The following INSL3 variants were observed in gnomAD, a reference collection of about 807,000 sequenced individuals.
INSL3 encodes insulin like 3, also known as insulin-like 3.
A neutral mutation model predicts 5.5 loss-of-function variants in INSL3; 6 were observed. That is an observed-to-expected ratio of 1.08 (90% CI 0.59 to 2.14). The LOEUF is 2.14. INSL3 is among the 30% of genes most tolerant of loss of function. The pLI is 0.00. For synonymous variants in INSL3, 86 were observed against 82.1 expected, an observed-to-expected ratio of 1.05 and a Z score of -0.26; for missense variants, 178 against 184.7, an observed-to-expected ratio of 0.96 and a Z score of 0.21.
rs950490932 is a variant in INSL3, at chr19:17,821,331, G to A, written c.176C>T (p.Ala59Val). 6.5e-5 allele frequency: 101 copies of A among 1,547,816 alleles called. No homozygotes were observed. The highest frequency in any genetic ancestry group is 8.6e-5 in the Non-Finnish European group (99 of 1,146,732). Residue 59 changes from alanine (A) to valine (V), a missense_variant, in exon 1 of 2, where the codon GCG (alanine) becomes GTG (valine). By Grantham distance (64) the Ala-to-Val change is moderately conservative. Transcript: ENST00000317306. Reference sequence around the variant, plus strand: ...TCCCCACTCACGGTCGCCTCCGGTCGCAGGCCTCCTGGCTTCGGTGGACCA... The same window carrying A: ...TCCCCACTCACGGTCGCCTCCGGTCACAGGCCTCCTGGCTTCGGTGGACCA... The part of the protein sequence containing the change: ...PRWSTEARRP[A>V]TGGDRELLQW...
At chr19:17,817,818 AGC>A (rs2094190121) in intron 1 of INSL3, among the ~76,000 whole-genome samples, 31 of 148,922 alleles carry the variant, frequency 2.1e-4, no homozygotes, top group African/African-American at 2.5e-4. Flanking sequence ...AAAAAAAAAA[AGC>A]GAGCACTTAT....
rs7256623 is a variant in INSL3, at chr19:17,817,195, T to C, written c.191-136A>G. On this transcript the variant is annotated intron_variant, in intron 1 of 1. Transcript: ENST00000317306. ...ATGCATGCAGATAAAAAGTGAGCAC[T>C]GGCCGGGTGCAGTGGCTTACACCTG... The C allele has an allele frequency of 9.7e-3, 8,772 of 902,050 alleles. 557 individuals carry two copies. In the African/African-American group the frequency reaches 0.13, roughly 13 times the overall value. The allele number at this position is 902,050 out of a possible 1,614,324, so 55.9% of individuals were successfully genotyped here.
chr19:17,820,828 TTTTG>T, intron 1 of INSL3, among the ~76,000 whole-genome samples: 1 of 151,108 alleles, frequency 6.6e-6, no homozygotes. Context: ...TTTTTTTTTT[TTTTG>T]AGACGGAGTT....
intron 1 of INSL3, 95 bp downstream of exon 1, chr19:17,821,222 A>C (rs1411634947): frequency 1.9e-5 from 27 of 1,415,954 alleles, no homozygotes; most frequent in Admixed American, 4.0e-5. Context: ...CATGCATGCA[A>C]ACCTGCCCAC....
intron 1 of INSL3, 111 bp from the exon 2 acceptor site, chr19:17,817,170 A>C: frequency 9.0e-5 from 96 of 1,063,132 alleles, no homozygotes; most frequent in Non-Finnish European, 1.2e-4. Context: ...CCAAACACTC[A>C]TGCATGCAGA....
rs1310864190 is a variant in INSL3 at position 17,821,452 on chromosome 19, A to T, written c.55T>A (p.Phe19Ile). The part of the protein sequence containing the change: ...ALVLLGPALV[F>I]ALGPAPTPEM... ...GGGGTGGGCGCGGGGCCCAACGCGA[A>T]CACCAGGGCAGGGCCCAGCAGCACC... The change falls in exon 1 of 2, where the codon TTC (phenylalanine) becomes ATC (isoleucine). Residue 19 changes from phenylalanine (F) to isoleucine (I), a missense_variant. Phe to Ile is a conservative substitution (Grantham distance 21, BLOSUM62 0). Coordinates refer to ENST00000317306, the MANE Select transcript of INSL3 (RefSeq NM_005543.4). 6.5e-7 allele frequency: 1 copy of T among 1,539,688 alleles called. No homozygotes were observed. Among genetic ancestry groups the T allele is most frequent in the South Asian group, 1.2e-5 (1 of 83,510 alleles).
At chr19:17,821,168 G>A (rs898910545) in intron 1 of INSL3, 149 bp downstream of exon 1, 6 of 942,108 alleles carry the variant, frequency 6.4e-6, no homozygotes, top group South Asian at 5.8e-5. Context: ...ACTCCAGTGC[G>A]GACCCACGAT....
Position 17,821,432 on chromosome 19 carries a change from G to A in INSL3, c.75C>T (p.Pro25=). Residue 25 remains proline, a synonymous_variant, in exon 1 of 2, where the codon CCC becomes CCT. Transcript: ENST00000317306. ...PALVFALGPA[P]TPEMREKLCG... ...ACAACTTCTCACGCATCTCTGGGGT[G>A]GGCGCGGGGCCCAACGCGAACACCA... The A allele has an allele frequency of 6.5e-7, 1 of 1,545,104 alleles. No individual in the cohort carries two copies. Among genetic ancestry groups the A allele is most frequent in the Non-Finnish European group, 8.7e-7 (1 of 1,143,366 alleles).
rs1350259097 is a variant in INSL3, at chr19:17,816,637, CG to C, written c.*216del. The stretch of plus-strand genomic sequence containing the variant: ...TGTCAGTGTCCAGCATCTGTGAAAG[CG>C]GGGATCCTCCAAGCCAGGGCTAGGG... On this transcript the variant is annotated 3_prime_UTR_variant, in exon 2 of 2. Transcript: ENST00000317306. 1.7e-6 allele frequency: 1 copy of C among 597,760 alleles called. No individual in the cohort carries two copies. Among genetic ancestry groups the C allele is most frequent in the African/African-American group, 1.8e-5 (1 of 54,084 alleles). 37.0% of individuals were successfully genotyped at this position (597,760 alleles called of 1,614,324 possible). A position where few individuals can be genotyped will look rare whatever the true frequency, so the allele number is the denominator to read the frequency against.
intron 1 of INSL3, among the ~76,000 whole-genome samples, chr19:17,818,805 G>A (rs1471499637): frequency 6.6e-6 from 1 of 151,924 alleles, no homozygotes; most frequent in South Asian, 2.1e-4. Flanking sequence ...GGGGGCAGAA[G>A]ACAGAGATGT....
chr19:17,818,935 C>T (rs534482920), intron 1 of INSL3, among the ~76,000 whole-genome samples: 4 of 146,860 alleles, frequency 2.7e-5, no homozygotes, highest in South Asian at 2.5e-4. Context: ...AGTGCAGTGG[C>T]GTGATCTTGG....
At chr19:17,818,085 A>G (rs1599856162) in intron 1 of INSL3, among the ~76,000 whole-genome samples, 1 of 151,984 alleles carries the variant, frequency 6.6e-6, no homozygotes, top group East Asian at 1.9e-4. Context: ...AGGGGTGTAC[A>G]TGTGTCTGTG....
At chr19:17,817,127 C>T in intron 1 of INSL3, 68 bp from the exon 2 acceptor site, 1 of 1,412,186 alleles carries the variant, frequency 7.1e-7, no homozygotes. Context: ...GCTGCATGTG[C>T]ACGAATCCAC....
At position 17,821,375 on chromosome 19, in the gene INSL3, G is replaced by A. The variant is rs756992784; in HGVS notation, c.132C>T (p.Arg44=). 22 of 1,548,540 alleles carry A rather than the reference G, an allele frequency of 1.4e-5. No homozygotes were observed. The highest frequency in any genetic ancestry group is 4.9e-5 in the East Asian group (2 of 40,884). ...CGHHFVRALV[R]VCGGPRWSTE... is the part of the protein sequence containing the mutation. Reference sequence around the variant, plus strand: ...TGGACCAGCGGGGGCCCCCGCACACGCGCACTAGCGCGCGTACGAAGTGGT... The same window carrying A: ...TGGACCAGCGGGGGCCCCCGCACACACGCACTAGCGCGCGTACGAAGTGGT... Residue 44 remains arginine (R), a synonymous_variant, in exon 1 of 2, where the codon CGC becomes CGT. Transcript: ENST00000317306.
At chr19:17,820,939 A>T (rs2094194626) in intron 1 of INSL3, among the ~76,000 whole-genome samples, 1 of 151,256 alleles carries the variant, frequency 6.6e-6, no homozygotes, top group Non-Finnish European at 1.5e-5. Context: ...TTGGCCTCCC[A>T]AGTAGCTGGG....
intron 1 of INSL3, among the ~76,000 whole-genome samples, chr19:17,819,013 T>C (rs1306186275): frequency 1.3e-5 from 2 of 150,802 alleles, no homozygotes; most frequent in Non-Finnish European, 3.0e-5. Flanking sequence ...TAGCTGAGAC[T>C]ACAGGTGTGC....
intron 1 of INSL3, chr19:17,820,307 TAATAA>T (rs1323696461): frequency 3.0e-5 from 10 of 337,206 alleles, no homozygotes; most frequent in South Asian, 1.4e-4. Flanking sequence ...AAAAATAAAA[TAATAA>T]AATAAAGTAA....
intron 1 of INSL3, 155 bp from the exon 2 acceptor site, chr19:17,817,214 A>G (rs1181959325): frequency 1.3e-6 from 1 of 788,436 alleles, no homozygotes; most frequent in African/African-American, 1.7e-5. Flanking sequence ...GCAGTGGCTT[A>G]CACCTGTAAT....
rs151110387 is a variant in INSL3 at position 17,817,059 on chromosome 19, C to T, written c.191G>A (p.Arg64His). ...TCTCTCCAGCCACTGTAGCAACTCACCTGGGGACAGAGTGAAACTCAGCTG... is the reference window on the plus strand; with the variant it reads ...TCTCTCCAGCCACTGTAGCAACTCATCTGGGGACAGAGTGAAACTCAGCTG... ...EARRPATGGD[R>H]ELLQWLERRH... Residue 64 changes from arginine (R) to histidine (H), a missense_variant and splice_region_variant, in exon 2 of 2, where the codon CGT becomes CAT. By Grantham distance (29) the Arg-to-His change is conservative. Coordinates refer to ENST00000317306, the MANE Select transcript of INSL3 (RefSeq NM_005543.4). The T allele has an allele frequency of 6.8e-6, 11 of 1,612,712 alleles. No homozygotes were observed. Among genetic ancestry groups the T allele is most frequent in the South Asian group, 2.2e-5 (2 of 91,006 alleles).
Sources: allele counts gnomAD v4.1 joint callset (sites outside exome capture counted in the v4.1 genomes callset), GRCh38; gene constraint gnomAD v4.1.1; transcripts MANE v1.5; gene names NCBI Gene and HGNC (gene_info 2026-07-23, HGNC 2026-07-21).